Variants in MED12L observed in about 807,000 individuals in gnomAD.
MED12L encodes mediator of RNA polymerase II transcription subunit 12-like protein.
Under a neutral mutation model 281.3 loss-of-function variants are expected in MED12L, and 60 were observed. The ratio of observed to expected loss-of-function variants is 0.21; its 90% confidence interval spans 0.17 to 0.26. The LOEUF is 0.26. MED12L is among the 10% of genes least tolerant of loss of function. The pLI, the probability that MED12L is intolerant of heterozygous loss-of-function variation, is 1.00. For synonymous variants in MED12L, 974 were observed against 987.2 expected, an observed-to-expected ratio of 0.99 and a Z score of 0.25; for missense variants, 2,146 against 2,680.9, an observed-to-expected ratio of 0.80 and a Z score of 4.41.
At chr3:151,181,678 T>A (rs1722720093) in intron 11 of MED12L, among the ~76,000 whole-genome samples, 1 of 147,638 alleles carries the variant, frequency 6.8e-6, no homozygotes, top group African/African-American at 2.5e-5. Context: ...CTCGGCTTCC[T>A]GGGTTCAAAT....
intron 2 of MED12L, among the ~76,000 whole-genome samples, chr3:151,109,233 T>C (rs1056627048): frequency 1.3e-5 from 2 of 152,134 alleles, no homozygotes; most frequent in African/African-American, 4.8e-5. Context: ...TTTTTTGTAT[T>C]TTAAGTAGAG....
At chr3:151,422,498 A>G (rs73159933) in intron 43 of MED12L, among the ~76,000 whole-genome samples, 16,549 of 152,140 alleles carry the variant, frequency 0.11, 1,221 homozygotes, top group Middle Eastern at 0.2. Context: ...CTTCGCAGGC[A>G]TTCTCCCTGT....
Position 151,435,105 on chromosome 3 carries a change from T to A in MED12L, c.*2301T>A, listed in dbSNP as rs1174033885. 1 of 151,728 alleles carries A rather than the reference T, an allele frequency of 6.6e-6. No individual in the cohort carries two copies. The highest frequency in any genetic ancestry group is 2.4e-5 in the African/African-American group (1 of 41,284). The allele number at this position is 151,728 out of a possible 1,614,324, so 9.4% of individuals were successfully genotyped here. A position where few individuals can be genotyped will look rare whatever the true frequency, so the allele number is the denominator to read the frequency against. ...TTTCTTTTCTTGCAAATGCATTCTTTTGCATTAAGATGGTCACAAGGTAAA... is the reference window on the plus strand; with the variant it reads ...TTTCTTTTCTTGCAAATGCATTCTTATGCATTAAGATGGTCACAAGGTAAA... On this transcript the variant is annotated 3_prime_UTR_variant, in exon 45 of 45. Transcript: ENST00000687756.
At chr3:151,119,973 C>A (rs1384893932) in intron 3 of MED12L, among the ~76,000 whole-genome samples, 2 of 151,320 alleles carry the variant, frequency 1.3e-5, no homozygotes, top group Non-Finnish European at 2.9e-5. Context: ...AATCCCAGCA[C>A]TTTGGGGGGC....
chr3:151,111,995 G>T (rs749091075), intron 2 of MED12L, among the ~76,000 whole-genome samples: 18 of 152,226 alleles, frequency 1.2e-4, no homozygotes, highest in South Asian at 8.3e-4. Flanking sequence ...TCTCAGATGG[G>T]AATCTGTTTT....
intron 16 of MED12L, chr3:151,299,961 T>C (rs1745676186): frequency 2.5e-6 from 2 of 785,774 alleles, no homozygotes; most frequent in Non-Finnish European, 4.6e-6. Flanking sequence ...GCTGGTTTAT[T>C]TTGTTAGTTG....
rs531602138 is a variant in MED12L at position 151,402,349 on chromosome 3, A to T, written c.5821-6894A>T. On this transcript the variant is annotated intron_variant, in intron 39 of 44. Coordinates refer to ENST00000687756, the MANE Select transcript of MED12L (RefSeq NM_001393769.1). ...CAGGTATTCAGTTGACTTTTCCTAAATCAGATTACCTTTTAGTGTGCAAAC... is the reference window on the plus strand; with the variant it reads ...CAGGTATTCAGTTGACTTTTCCTAATTCAGATTACCTTTTAGTGTGCAAAC... Among the ~76,000 whole-genome samples, 5 of 152,310 alleles carry T rather than the reference A, an allele frequency of 3.3e-5. No individual in the cohort carries two copies. The South Asian group carries it at 1.0e-3, about 32-fold the overall frequency.
intron 5 of MED12L, among the ~76,000 whole-genome samples, chr3:151,152,366 T>G (rs1318480392): frequency 6.6e-6 from 1 of 151,946 alleles, no homozygotes; most frequent in Non-Finnish European, 1.5e-5. Flanking sequence ...CCTCCCAAAG[T>G]GTTGGGATTA....
rs540083264 is a variant in MED12L, at chr3:151,149,964, G to C, written c.557-6197G>C. Among the ~76,000 whole-genome samples the C allele has an allele frequency of 4.6e-5, 7 of 152,260 alleles. No homozygotes were observed. The East Asian group carries it at 1.4e-3, about 29-fold the overall frequency. On this transcript the variant is annotated intron_variant, in intron 5 of 44. Coordinates refer to ENST00000687756, the MANE Select transcript of MED12L (RefSeq NM_001393769.1). ...TCTTGCTGTTTCCACATCTGTTGCT[G>C]TCTCCTCCACTGAAGTCTTGAACCT...
chr3:151,396,486 G>A (rs1445418146), intron 39 of MED12L, among the ~76,000 whole-genome samples: 3 of 152,060 alleles, frequency 2.0e-5, no homozygotes, highest in Admixed American at 6.5e-5. Context: ...ATTAGGCATG[G>A]TAGAGCATGC....
intron 16 of MED12L, among the ~76,000 whole-genome samples, chr3:151,280,556 C>T (rs1260958453): frequency 6.6e-6 from 1 of 152,050 alleles, no homozygotes; most frequent in Non-Finnish European, 1.5e-5. Context: ...AATCGAATAC[C>T]TTACAAACCA....
chr3:151,430,194 G>A, intron 43 of MED12L, 105 bp from the exon 44 acceptor site: 1 of 1,510,756 alleles, frequency 6.6e-7, no homozygotes. Flanking sequence ...TTTTCGTGAA[G>A]TGTTGAGAAG....
At chr3:151,101,321 T>C (rs1721365906) in intron 2 of MED12L, among the ~76,000 whole-genome samples, 1 of 152,174 alleles carries the variant, frequency 6.6e-6, no homozygotes, top group African/African-American at 2.4e-5. Context: ...TTTAGGTGTT[T>C]GGTGTTATGC....
At chr3:151,173,932 AGTAAAGTTT>A (rs2149021605) in intron 11 of MED12L, among the ~76,000 whole-genome samples, 1 of 152,372 alleles carries the variant, frequency 6.6e-6, no homozygotes, top group Non-Finnish European at 1.5e-5. Flanking sequence ...AAAGGCAAGC[AGTAAAGTTT>A]TTTGTACAGT....
At chr3:151,199,749 A>G (rs1458391394) in intron 16 of MED12L, among the ~76,000 whole-genome samples, 1 of 152,114 alleles carries the variant, frequency 6.6e-6, no homozygotes, top group African/African-American at 2.4e-5. Flanking sequence ...CAGAGGAGAT[A>G]AGTGAACCGA....
At position 151,434,147 on chromosome 3, in the gene MED12L, C is replaced by T. The variant is rs1481350538; in HGVS notation, c.*1343C>T. The T allele has an allele frequency of 6.6e-6, 1 of 152,058 alleles. No homozygotes were observed. The highest frequency in any genetic ancestry group is 1.5e-5 in the Non-Finnish European group (1 of 68,002). 9.4% of individuals were successfully genotyped at this position (152,058 alleles called of 1,614,324 possible). ...TCTCTGTTATTTCATTTTCTTTTGC[C>T]ATATGATTTTACATATAATATAGTC... On this transcript the variant is annotated 3_prime_UTR_variant, in exon 45 of 45. Transcript: ENST00000687756.
chr3:151,117,432 TG>T (rs1347630603), intron 3 of MED12L, among the ~76,000 whole-genome samples: 1 of 152,190 alleles, frequency 6.6e-6, no homozygotes, highest in African/African-American at 2.4e-5. Flanking sequence ...TGGACAGAGA[TG>T]GGACACATAG....
At chr3:151,266,959 T>G (rs539964861) in intron 16 of MED12L, among the ~76,000 whole-genome samples, 13 of 152,312 alleles carry the variant, frequency 8.5e-5, no homozygotes, top group Admixed American at 7.8e-4. Context: ...TTCAGTATGG[T>G]TTAAAATGGA....
chr3:151,149,191 A>G (rs1190404386), intron 5 of MED12L, among the ~76,000 whole-genome samples: 1 of 152,156 alleles, frequency 6.6e-6, no homozygotes, highest in Non-Finnish European at 1.5e-5. Context: ...GGAAATTGTA[A>G]TATGTCAGAG....
Sources: allele counts gnomAD v4.1 joint callset (sites outside exome capture counted in the v4.1 genomes callset), GRCh38; gene constraint gnomAD v4.1.1; transcripts MANE v1.5; gene names NCBI Gene and HGNC (gene_info 2026-07-23, HGNC 2026-07-21).